The following PICK1 variants were observed in gnomAD, a reference collection of about 807,000 sequenced individuals.
PICK1 encodes protein interacting with PRKCA 1.
In PICK1, 23 loss-of-function variants were observed where a neutral mutation model predicts 48.9. That is an observed-to-expected ratio of 0.47 (90% CI 0.34 to 0.67). PICK1 has a LOEUF of 0.67. PICK1 is among the 30% of genes least tolerant of loss of function. The pLI, the probability that PICK1 is intolerant of heterozygous loss-of-function variation, is 0.01. For missense variants in PICK1, 423 were observed against 557.1 expected (o/e 0.76, Z 2.42); for synonymous variants, 217 against 228.2 (o/e 0.95, Z 0.44).
chr22:38,075,205 C>T lies in PICK1; in HGVS notation c.*73C>T. ...GCCTGGGAGCGGGGCGGGGCCGCCGCGCAAGGGGGCGACGCATAAAGGCCT... is the reference window on the plus strand; with the variant it reads ...GCCTGGGAGCGGGGCGGGGCCGCCGTGCAAGGGGGCGACGCATAAAGGCCT... On this transcript the variant is annotated 3_prime_UTR_variant, in exon 13 of 13. Coordinates refer to ENST00000356976, the MANE Select transcript of PICK1 (RefSeq NM_012407.4). 1.4e-6 allele frequency: 2 copies of T among 1,438,364 alleles called. No homozygotes were observed. Among genetic ancestry groups the T allele is most frequent in the Non-Finnish European group, 1.9e-6 (2 of 1,068,648 alleles). The allele number at this position is 1,438,364 out of a possible 1,614,324, so 89.1% of individuals were successfully genotyped here. A position where few individuals can be genotyped will look rare whatever the true frequency, so the allele number is the denominator to read the frequency against.
rs554201380 is a variant in PICK1, at chr22:38,075,210, G to C, written c.*78G>C. 98 of 1,414,654 alleles carry C rather than the reference G, an allele frequency of 6.9e-5. No homozygotes were observed. Among genetic ancestry groups the C allele is most frequent in the Middle Eastern group, 5.0e-4 (2 of 3,962 alleles). The allele number at this position is 1,414,654 out of a possible 1,614,324, so 87.6% of individuals were successfully genotyped here. On this transcript the variant is annotated 3_prime_UTR_variant, in exon 13 of 13. Transcript: ENST00000356976. ...GGAGCGGGGCGGGGCCGCCGCGCAA[G>C]GGGGCGACGCATAAAGGCCTGCTGG...
intron 8 of PICK1, 152 bp downstream of exon 8, chr22:38,071,896 C>T: frequency 4.2e-6 from 3 of 717,772 alleles, no homozygotes; most frequent in East Asian, 2.7e-5. Context: ...GATGGGCCTG[C>T]GGGGAACATC....
Position 38,071,849 on chromosome 22 carries a change from C to T in PICK1, c.556+105C>T, listed in dbSNP as rs368906480. 350 of 975,106 alleles carry T rather than the reference C, an allele frequency of 3.6e-4. 2 individuals carry two copies. In the African/African-American group the frequency reaches 4.8e-3, roughly 13 times the overall value. The allele number at this position is 975,106 out of a possible 1,614,324, so 60.4% of individuals were successfully genotyped here. ...CCCACAGCGCCTGACCTCAGGCTCCCTCTGGGCTGGGCCTGGTCCCAGGTG... is the reference window on the plus strand; with the variant it reads ...CCCACAGCGCCTGACCTCAGGCTCCTTCTGGGCTGGGCCTGGTCCCAGGTG... On this transcript the variant is annotated intron_variant, in intron 8 of 12. Transcript: ENST00000356976.
At chr22:38,071,809 C>G in intron 8 of PICK1, 65 bp downstream of exon 8, 6 of 1,409,024 alleles carry the variant, frequency 4.3e-6, no homozygotes, top group Non-Finnish European at 6.0e-6. Context: ...CACTCCCATG[C>G]TGAGGTGGGT....
At chr22:38,063,331 A>AT (rs1569197210) in intron 3 of PICK1, among the ~76,000 whole-genome samples, 1 of 148,782 alleles carries the variant, frequency 6.7e-6, no homozygotes, top group Non-Finnish European at 1.5e-5. Context: ...TCATTTTTGT[A>AT]TTTTTTTTGT....
Position 38,073,193 on chromosome 22 carries a change from T to A in PICK1, c.783+101T>A. 1 of 816,390 alleles carries A rather than the reference T, an allele frequency of 1.2e-6. No homozygotes were observed. The highest frequency in any genetic ancestry group is 2.2e-6 in the Non-Finnish European group (1 of 464,038). 50.6% of individuals were successfully genotyped at this position (816,390 alleles called of 1,614,324 possible). A position where few individuals can be genotyped will look rare whatever the true frequency, so the allele number is the denominator to read the frequency against. On this transcript the variant is annotated intron_variant, in intron 10 of 12. Transcript: ENST00000356976. The surrounding 1 kb of genome is among the most constrained non-coding windows in gnomAD (Gnocchi z 5.7). ...TGCGGCCAGCGAGGCCAGCCAGAGC[T>A]GACAGCATGTCTGCTCCAGGTGTGG...
chr22:38,059,207 G>A (rs574078153), intron 2 of PICK1, 27 bp from the exon 3 acceptor site: 3 of 1,521,032 alleles, frequency 2.0e-6, no homozygotes, highest in Admixed American at 3.9e-5. Context: ...TGCCAGGAGA[G>A]TCAGCCTAGC....
intron 5 of PICK1, 42 bp from the exon 6 acceptor site, chr22:38,068,991 T>A (rs1277671663): frequency 6.5e-6 from 10 of 1,538,746 alleles, no homozygotes; most frequent in Non-Finnish European, 8.9e-6. Flanking sequence ...GGATGGCCTC[T>A]GGGCAGCCAC....
At chr22:38,072,425 T>A in intron 8 of PICK1, 52 bp from the exon 9 acceptor site, 1 of 1,599,124 alleles carries the variant, frequency 6.3e-7, no homozygotes, top group Non-Finnish European at 8.5e-7. Flanking sequence ...AACCCCTGGC[T>A]TCTCTTAGGG....
chr22:38,069,389 C>T lies in PICK1; in HGVS notation c.439+267C>T, dbSNP rs143350563. Reference sequence around the variant, plus strand: ...GACTTAGTGTGGGGAGGTGCCTCTGCCCCTGCCCTCAGCCCCTTACCCCTC... The same window carrying T: ...GACTTAGTGTGGGGAGGTGCCTCTGTCCCTGCCCTCAGCCCCTTACCCCTC... On this transcript the variant is annotated intron_variant, in intron 6 of 12. Transcript: ENST00000356976. Among the ~76,000 whole-genome samples, 428 of 152,278 alleles carry T rather than the reference C, an allele frequency of 2.8e-3. 2 individuals carry two copies. Among genetic ancestry groups the T allele is most frequent in the African/African-American group, 9.7e-3 (404 of 41,552 alleles).
chr22:38,074,841 T>A lies in PICK1; in HGVS notation c.980-23T>A. 1 of 1,607,514 alleles carries A rather than the reference T, an allele frequency of 6.2e-7. No individual in the cohort carries two copies. The highest frequency in any genetic ancestry group is 8.5e-7 in the Non-Finnish European group (1 of 1,179,808). On this transcript the variant is annotated intron_variant, in intron 12 of 12. Coordinates refer to ENST00000356976, the MANE Select transcript of PICK1 (RefSeq NM_012407.4). The surrounding 1 kb of genome is among the most constrained non-coding windows in gnomAD (Gnocchi z 4.5). ...CAGGCAGCCAGAGCCCACTGCAGCC[T>A]GTCCCCCGACCTCCCACCCCAGTCC...
In PICK1 at chr22:38,071,664, A is replaced by T; in HGVS notation, c.494-18A>T. 1.2e-6 allele frequency: 2 copies of T among 1,611,866 alleles called. No homozygotes were observed. Among genetic ancestry groups the T allele is most frequent in the Admixed American group, 1.7e-5 (1 of 60,012 alleles). On this transcript the variant is annotated intron_variant, in intron 7 of 12. Transcript: ENST00000356976. ...CCGCCATGCGTCCCCATTCCGCATC[A>T]CTCGGTCTCTCCCACAGGGATGACG... is the stretch of plus-strand genomic sequence containing the variant.
At chr22:38,069,242 GC>G in intron 6 of PICK1, 120 bp downstream of exon 6, 1 of 730,686 alleles carries the variant, frequency 1.4e-6, no homozygotes. Context: ...CCTGGCCTCT[GC>G]CCGTGGAACT....
In PICK1 at chr22:38,059,268, CAGA is replaced by C. The variant is rs1395430181; in HGVS notation, c.79_81del (p.Lys27del). 4 of 1,584,798 alleles carry C rather than the reference CAGA, an allele frequency of 2.5e-6. No individual in the cohort carries two copies. Among genetic ancestry groups the C allele is most frequent in the African/African-American group, 1.3e-5 (1 of 74,218 alleles). ...GACTGTGCCTGGGAAGGTGACCCTG[CAGA>C]AGGATGCTCAGAACCTGATCGGGAT... On this transcript the variant is annotated inframe_deletion, in exon 3 of 13. Transcript: ENST00000356976.
rs1392308210 is a variant in PICK1, at chr22:38,057,540, C to G, written c.-105C>G. The G allele has an allele frequency of 1.9e-6, 1 of 519,014 alleles. No individual in the cohort carries two copies. Among genetic ancestry groups the G allele is most frequent in the East Asian group, 3.2e-5 (1 of 30,964 alleles). 32.2% of individuals were successfully genotyped at this position (519,014 alleles called of 1,614,324 possible). On this transcript the variant is annotated 5_prime_UTR_variant, in exon 1 of 13. Coordinates refer to ENST00000356976, the MANE Select transcript of PICK1 (RefSeq NM_012407.4). ...GGCCTGGAGACCCGTGGGGCGGACT[C>G]TGGGATCTGAGCCTATCGCCCTGGC...
In PICK1 at chr22:38,073,912, C is replaced by CGGGGG; in HGVS notation, c.834+91_834+95dup. 7.7e-7 allele frequency: 1 copy of CGGGGG among 1,302,298 alleles called. No individual in the cohort carries two copies. The highest frequency in any genetic ancestry group is 1.5e-5 in the African/African-American group (1 of 68,938). The allele number at this position is 1,302,298 out of a possible 1,614,324, so 80.7% of individuals were successfully genotyped here. The stretch of plus-strand genomic sequence containing the variant: ...TGGCTCAGGCCAACCCGGGAGAGAC[C>CGGGGG]GGGGGGACTTGGCTGGACTCTCGTT... On this transcript the variant is annotated intron_variant, in intron 11 of 12. Coordinates refer to ENST00000356976, the MANE Select transcript of PICK1 (RefSeq NM_012407.4). This position sits in a 1 kb window ranked among gnomAD's most constrained non-coding sequence, Gnocchi z 5.7.
intron 3 of PICK1, among the ~76,000 whole-genome samples, chr22:38,062,962 G>C (rs4821735): frequency 0.71 from 107,998 of 152,008 alleles, 39,752 homozygotes; most frequent in African/African-American, 0.92. Context: ...TGAGGACTTT[G>C]TTTTTGTCCC....
chr22:38,074,597 G>C lies in PICK1; in HGVS notation c.979+146G>C, dbSNP rs2085788377. 2 of 1,215,288 alleles carry C rather than the reference G, an allele frequency of 1.6e-6. No homozygotes were observed. The highest frequency in any genetic ancestry group is 1.5e-5 in the African/African-American group (1 of 66,386). 75.3% of individuals were successfully genotyped at this position (1,215,288 alleles called of 1,614,324 possible). A position where few individuals can be genotyped will look rare whatever the true frequency, so the allele number is the denominator to read the frequency against. The stretch of plus-strand genomic sequence containing the variant: ...ATCTGCCCAGAGCCTGGCCTGGGTG[G>C]AGCTGGCCTGTGCGCGTGGGCTCCG... On this transcript the variant is annotated intron_variant, in intron 12 of 12. Coordinates refer to ENST00000356976, the MANE Select transcript of PICK1 (RefSeq NM_012407.4). The surrounding 1 kb of genome is among the most constrained non-coding windows in gnomAD (Gnocchi z 4.5).
chr22:38,068,101 C>A (rs759377278), intron 5 of PICK1: 97 of 499,284 alleles, frequency 1.9e-4, no homozygotes, highest in Non-Finnish European at 3.0e-4. Context: ...TGGCCCAGGG[C>A]CTCACTCTTC....
Sources: gnomAD v4.1 joint callset for allele counts (sites outside exome capture counted in the v4.1 genomes callset) on GRCh38, gnomAD v4.1.1 for gene constraint, Gnocchi (gnomAD v3.1) non-coding constraint, MANE v1.5 for transcripts, NCBI Gene and HGNC (gene_info 2026-07-23, HGNC 2026-07-21) for gene names.